Variants in DPYSL2 observed in about 807,000 individuals in gnomAD.
DPYSL2 encodes the protein dihydropyrimidinase-related protein 2.
In DPYSL2, 13 loss-of-function variants were observed where a neutral mutation model predicts 69.9. That is an observed-to-expected ratio of 0.19 (90% CI 0.12 to 0.30). DPYSL2 has a LOEUF of 0.30. DPYSL2 is among the 10% of genes least tolerant of loss of function. The pLI is 1.00. For synonymous variants in DPYSL2, 326 were observed against 359.1 expected (o/e 0.91, Z 1.04); for missense variants, 587 against 918.9 (o/e 0.64, Z 4.67).
Position 26,624,157 on chromosome 8 carries a change from C to G in DPYSL2, c.643C>G (p.Pro215Ala). 5.0e-6 allele frequency: 8 copies of G among 1,614,162 alleles called. No homozygotes were observed. The highest frequency in any genetic ancestry group is 6.8e-6 in the Non-Finnish European group (8 of 1,180,030). The change falls in exon 4 of 14, where the codon CCT becomes GCT. Residue 215 changes from proline (P) to alanine (A), a missense_variant. Physicochemically the swap from Pro to Ala is conservative, Grantham distance 27. This residue lies in a region of DPYSL2 where 452 missense variants were observed against 754.3 expected (regional missense o/e 0.60). Coordinates refer to ENST00000521913, the MANE Select transcript of DPYSL2 (RefSeq NM_001197293.3). This position sits in a 1 kb window ranked among gnomAD's most constrained non-coding sequence, Gnocchi z 4.7. ...GTTMIIDHVV[P>A]EPGTSLLAAF... ...TTTCTTTCTAGTTGACCACGTTGTT[C>G]CTGAGCCTGGGACAAGCCTGCTCGC...
At position 26,586,492 on chromosome 8, in the gene DPYSL2, C is replaced by T. The variant is rs1390291705; in HGVS notation, c.628+2509C>T. ...TCCTGCATTCCTGGGTCTGCCTCTT[C>T]CCTCCACACGCTCGCCCCGTGCTTA... On this transcript the variant is annotated intron_variant, in intron 3 of 13. Coordinates refer to ENST00000521913, the MANE Select transcript of DPYSL2 (RefSeq NM_001197293.3). This position sits in a 1 kb window ranked among gnomAD's most constrained non-coding sequence, Gnocchi z 4.7. Among the ~76,000 whole-genome samples, 4 of 152,198 alleles carry T rather than the reference C, an allele frequency of 2.6e-5. No individual in the cohort carries two copies. The East Asian group carries it at 5.8e-4, about 22-fold the overall frequency.
chr8:26,571,437 G>A lies in DPYSL2; in HGVS notation c.355-10532G>A, dbSNP rs188574635. ...CCACCAGAGGGCAGGCCTGAGGCAC[G>A]ATGGCTGAGCTAGGTGCCCTTTGTC... On this transcript the variant is annotated intron_variant, in intron 1 of 13. Coordinates refer to ENST00000521913, the MANE Select transcript of DPYSL2 (RefSeq NM_001197293.3). The surrounding 1 kb of genome is among the most constrained non-coding windows in gnomAD (Gnocchi z 6.1). 2.0e-5 allele frequency among the ~76,000 whole-genome samples: 3 copies of A among 152,258 alleles called. No individual in the cohort carries two copies. The highest frequency in any genetic ancestry group is 1.3e-4 in the Admixed American group (2 of 15,304).
chr8:26,655,051 T>G (rs1803353332), intron 13 of DPYSL2, among the ~76,000 whole-genome samples: 1 of 151,800 alleles, frequency 6.6e-6, no homozygotes. Context: ...TCTCACTGTG[T>G]TGCCCAGACT....
intron 3 of DPYSL2, among the ~76,000 whole-genome samples, chr8:26,608,168 A>G (rs1802148350): frequency 6.6e-6 from 1 of 152,052 alleles, no homozygotes; most frequent in South Asian, 2.1e-4. Flanking sequence ...TGATTTCATT[A>G]TGTCTGATTT....
In DPYSL2 at chr8:26,585,319, T is replaced by C. The variant is rs993259672; in HGVS notation, c.628+1336T>C. ...AGCTTCTTTTCTATCTTGCCTGAGC[T>C]AGAGGAATGTTGCCCTGCCATCCCC... On this transcript the variant is annotated intron_variant, in intron 3 of 13. Coordinates refer to ENST00000521913, the MANE Select transcript of DPYSL2 (RefSeq NM_001197293.3). This position sits in a 1 kb window ranked among gnomAD's most constrained non-coding sequence, Gnocchi z 4.0. Among the ~76,000 whole-genome samples, 4 of 152,184 alleles carry C rather than the reference T, an allele frequency of 2.6e-5. No homozygotes were observed. Among genetic ancestry groups the C allele is most frequent in the Admixed American group, 1.3e-4 (2 of 15,288 alleles).
In DPYSL2 at chr8:26,597,009, C is replaced by T. The variant is rs977007800; in HGVS notation, c.628+13026C>T. 6.6e-6 allele frequency among the ~76,000 whole-genome samples: 1 copy of T among 152,176 alleles called. No individual in the cohort carries two copies. The highest frequency in any genetic ancestry group is 1.5e-5 in the Non-Finnish European group (1 of 68,036). On this transcript the variant is annotated intron_variant, in intron 3 of 13. Transcript: ENST00000521913. The surrounding 1 kb of genome is among the most constrained non-coding windows in gnomAD (Gnocchi z 5.2). ...TCAAGTTTTATCCTGCCCTTCCATC[C>T]ACCTGTTATTTAAAAGTACTTTTTC...
chr8:26,630,994 C>G (rs896610632), intron 7 of DPYSL2, among the ~76,000 whole-genome samples: 1 of 152,232 alleles, frequency 6.6e-6, no homozygotes, highest in African/African-American at 2.4e-5. Flanking sequence ...GCAAATGCCA[C>G]TTCTGCAAAT....
At chr8:26,603,159 A>G (rs1163467874) in intron 3 of DPYSL2, among the ~76,000 whole-genome samples, 1 of 151,896 alleles carries the variant, frequency 6.6e-6, no homozygotes, top group Non-Finnish European at 1.5e-5. Context: ...TTTCTTCTTT[A>G]TTTATTTGTT....
chr8:26,557,634 A>AAAAAAAAAAAAAAAG (rs1563386022), intron 1 of DPYSL2, among the ~76,000 whole-genome samples: 1 of 149,876 alleles, frequency 6.7e-6, no homozygotes, highest in African/African-American at 2.4e-5. Context: ...AAAAAAAAAA[A>AAAAAAAAAAAAAAAG]AAAAAAAAGC....
chr8:26,517,560 C>T lies in DPYSL2; in HGVS notation c.354+2881C>T, dbSNP rs1022521047. Among the ~76,000 whole-genome samples the T allele has an allele frequency of 6.6e-6, 1 of 152,188 alleles. No individual in the cohort carries two copies. Among genetic ancestry groups the T allele is most frequent in the Admixed American group, 6.5e-5 (1 of 15,286 alleles). Reference sequence around the variant, plus strand: ...AGAAAGGCATCTCTGTTGGCCCAATCCCCCCTTGTCAGTGCCCAGGGGTCC... The same window carrying T: ...AGAAAGGCATCTCTGTTGGCCCAATTCCCCCTTGTCAGTGCCCAGGGGTCC... On this transcript the variant is annotated intron_variant, in intron 1 of 13. Transcript: ENST00000521913. This position sits in a 1 kb window ranked among gnomAD's most constrained non-coding sequence, Gnocchi z 4.2.
At position 26,586,524 on chromosome 8, in the gene DPYSL2, C is replaced by T. The variant is rs916745701; in HGVS notation, c.628+2541C>T. On this transcript the variant is annotated intron_variant, in intron 3 of 13. Coordinates refer to ENST00000521913, the MANE Select transcript of DPYSL2 (RefSeq NM_001197293.3). This position sits in a 1 kb window ranked among gnomAD's most constrained non-coding sequence, Gnocchi z 4.7. ...CACGCTCGCCCCGTGCTTAGGCCCC[C>T]ACTCTTGTTCTTGTTTTTGACTCTT... 1.3e-5 allele frequency among the ~76,000 whole-genome samples: 2 copies of T among 152,184 alleles called. No homozygotes were observed. Among genetic ancestry groups the T allele is most frequent in the Middle Eastern group, 3.2e-3 (1 of 316 alleles).
rs755931877 is a variant in DPYSL2, at chr8:26,565,438, G to A, written c.355-16531G>A. ...GAGAGTAGTCCAGGAAATGGACCAT[G>A]GGGGCCCAGCTGTGAATGAAGAGGT... On this transcript the variant is annotated intron_variant, in intron 1 of 13. Transcript: ENST00000521913. The surrounding 1 kb of genome is among the most constrained non-coding windows in gnomAD (Gnocchi z 4.1). 3.9e-5 allele frequency among the ~76,000 whole-genome samples: 6 copies of A among 152,134 alleles called. No homozygotes were observed. Among genetic ancestry groups the A allele is most frequent in the Admixed American group, 3.9e-4 (6 of 15,264 alleles).
chr8:26,585,713 G>A lies in DPYSL2; in HGVS notation c.628+1730G>A, dbSNP rs1801586326. On this transcript the variant is annotated intron_variant, in intron 3 of 13. Transcript: ENST00000521913. This position sits in a 1 kb window ranked among gnomAD's most constrained non-coding sequence, Gnocchi z 4.0. ...AGAAGCTTAGACTATTCGGGTGTCA[G>A]CCGGGAAGGCCAAGTCAGGGTGATC... 6.6e-6 allele frequency among the ~76,000 whole-genome samples: 1 copy of A among 152,198 alleles called. No individual in the cohort carries two copies. The highest frequency in any genetic ancestry group is 6.5e-5 in the Admixed American group (1 of 15,286).
intron 3 of DPYSL2, among the ~76,000 whole-genome samples, chr8:26,594,218 T>C (rs1364747212): frequency 1.3e-5 from 2 of 152,186 alleles, no homozygotes; most frequent in Non-Finnish European, 2.9e-5. Context: ...ATGGAAAAAG[T>C]GAGTTTTTTT....
At chr8:26,625,346 A>G (rs111407742) in intron 4 of DPYSL2, among the ~76,000 whole-genome samples, 12 of 152,294 alleles carry the variant, frequency 7.9e-5, no homozygotes, top group African/African-American at 2.9e-4. Context: ...TCATGCGGAG[A>G]CTCCAAGTGG....
intron 3 of DPYSL2, among the ~76,000 whole-genome samples, chr8:26,622,464 GTGTGTGTGTATA>G (rs1802516334): frequency 9.1e-6 from 1 of 110,492 alleles, no homozygotes; most frequent in African/African-American, 3.0e-5. Flanking sequence ...GTGTGTGTGT[GTGTGTGTGTATA>G]TGTGTGTGTG....
chr8:26,529,473 C>T (rs960272864), intron 1 of DPYSL2, among the ~76,000 whole-genome samples: 1 of 151,956 alleles, frequency 6.6e-6, no homozygotes, highest in Non-Finnish European at 1.5e-5. Flanking sequence ...TGTACCACCA[C>T]ACCTGGCTCA....
chr8:26,611,758 C>A (rs1382188203), intron 3 of DPYSL2, among the ~76,000 whole-genome samples: 1 of 152,208 alleles, frequency 6.6e-6, no homozygotes, highest in Non-Finnish European at 1.5e-5. Context: ...TCCTGCTTTA[C>A]GGATGGCATT....
At position 26,594,689 on chromosome 8, in the gene DPYSL2, A is replaced by G. The variant is rs534471884; in HGVS notation, c.628+10706A>G. The stretch of plus-strand genomic sequence containing the variant: ...ATCTGTATATATCTATTGTTTATCT[A>G]ATCTATCAATTGACCATTCATCTGT... On this transcript the variant is annotated intron_variant, in intron 3 of 13. Coordinates refer to ENST00000521913, the MANE Select transcript of DPYSL2 (RefSeq NM_001197293.3). Among the ~76,000 whole-genome samples, 6 of 152,270 alleles carry G rather than the reference A, an allele frequency of 3.9e-5. No individual in the cohort carries two copies. In the East Asian group the frequency reaches 7.7e-4, roughly 20 times the overall value.
Sources: gnomAD v4.1 joint callset for allele counts (sites outside exome capture counted in the v4.1 genomes callset) on GRCh38, gnomAD v4.1.1 for gene constraint, gnomAD v4.1.1 regional missense constraint, Gnocchi (gnomAD v3.1) non-coding constraint, MANE v1.5 for transcripts, NCBI Gene and HGNC (gene_info 2026-07-23, HGNC 2026-07-21) for gene names.